Variants in SNX12 observed in about 807,000 individuals in gnomAD.
SNX12 encodes sorting nexin-12.
For missense variants in SNX12, 62 were observed against 141.3 expected, an observed-to-expected ratio of 0.44 and a Z score of 2.84; for synonymous variants, 47 against 56.0, an observed-to-expected ratio of 0.84 and a Z score of 0.71.
At chrX:71,061,774 G>C in intron 3 of SNX12, 69 bp downstream of exon 3, 4 of 975,272 alleles carry the variant, frequency 4.1e-6, no homozygotes, top group Non-Finnish European at 5.7e-6. Flanking sequence ...AAAAGGTGAG[G>C]TAAACAAAAC....
upstream of SNX12, among the ~76,000 whole-genome samples, chrX:71,069,432 G>A (rs1190489615): frequency 8.9e-6 from 1 of 112,378 alleles, no homozygotes; most frequent in Non-Finnish European, 1.9e-5. Flanking sequence ...CCCTCAAGGA[G>A]TTAACATTCT....
Position 71,068,067 on chromosome X carries a change from G to C in SNX12, c.165+75C>G, listed in dbSNP as rs773542993. 939 of 828,982 alleles carry C rather than the reference G, an allele frequency of 1.1e-3. 6 individuals carry two copies. In the African/African-American group the frequency reaches 0.019, roughly 17 times the overall value. 68.3% of individuals were successfully genotyped at this position (828,982 alleles called of 1,213,427 possible). ...GTCTTCCCCGCCGTTAGTTGCCCCC[G>C]CGGTAGCCTCCCTCCCCCCTCCCGC... On this transcript the variant is annotated intron_variant, in intron 1 of 3. Coordinates refer to ENST00000374274, the MANE Select transcript of SNX12 (RefSeq NM_013346.4).
At chrX:71,068,410 A>G, upstream of SNX12, 1 of 692,450 alleles carries the variant, frequency 1.4e-6, no homozygotes, top group Non-Finnish European at 2.0e-6. Flanking sequence ...TAGCCAACCC[A>G]CAGGCGGCGG....
upstream of SNX12, among the ~76,000 whole-genome samples, chrX:71,068,783 G>T (rs1274352857): frequency 8.9e-6 from 1 of 112,233 alleles, no homozygotes; most frequent in East Asian, 2.8e-4. Flanking sequence ...TCTATGGAGG[G>T]TGGGGTTCCA....
intron 1 of SNX12, 49 bp downstream of exon 1, chrX:71,068,093 T>G: frequency 4.5e-5 from 25 of 561,106 alleles, no homozygotes; most frequent in Non-Finnish European, 4.8e-5. Context: ...CCCCTCCCGC[T>G]CGCGCCGCCC....
chrX:71,071,583 A>T (rs868791877), upstream of SNX12, among the ~76,000 whole-genome samples: 2 of 47,136 alleles, frequency 4.2e-5, no homozygotes, highest in Admixed American at 5.3e-4. Context: ...TATATATATA[A>T]ATATATAATA....
Position 71,059,668 on chromosome X carries a change from T to C in SNX12, c.*1348A>G, listed in dbSNP as rs1044032058. The stretch of plus-strand genomic sequence containing the variant: ...CAGTGCCCTGCATAGAAAACTCCAA[T>C]CTTTCCATGATAGGGAGTCTAAGCA... On this transcript the variant is annotated 3_prime_UTR_variant, in exon 4 of 4. Transcript: ENST00000374274. 1.8e-5 allele frequency: 2 copies of C among 110,821 alleles called. No homozygotes were observed. Among genetic ancestry groups the C allele is most frequent in the Non-Finnish European group, 3.8e-5 (2 of 52,956 alleles). The allele number at this position is 110,821 out of a possible 1,213,427, so 9.1% of individuals were successfully genotyped here.
intron 1 of SNX12, among the ~76,000 whole-genome samples, chrX:71,066,356 G>A (rs1344459236): frequency 1.8e-5 from 2 of 111,615 alleles, no homozygotes; most frequent in Admixed American, 9.5e-5. Context: ...TTGGGAGGCC[G>A]AGGCAGGAGG....
chrX:71,063,022 T>G, intron 1 of SNX12, 73 bp from the exon 2 acceptor site: 1 of 640,898 alleles, frequency 1.6e-6, no homozygotes, highest in Non-Finnish European at 2.5e-6. Flanking sequence ...CTGAGTAACT[T>G]GGACAGGTCC....
intron 1 of SNX12, among the ~76,000 whole-genome samples, chrX:71,066,544 T>C: frequency 9.6e-6 from 1 of 104,410 alleles, no homozygotes; most frequent in Admixed American, 1.0e-4. Flanking sequence ...GAGCCGAGAT[T>C]GCACCATTGC....
Position 71,062,947 on chromosome X carries a change from T to C in SNX12, c.168A>G (p.Thr56=), listed in dbSNP as rs779646964. ...CCTTTAGCTTGAAGATAGGTAGGTT[T>C]GTCTACATGGAAGGAAAAATTAAAG... ...RFTTYEVRMR[T]NLPIFKLKES... is the part of the protein sequence containing the mutation. Residue 56 remains threonine (T), a splice_region_variant and synonymous_variant, in exon 2 of 4, where the codon ACA becomes ACG. Transcript: ENST00000374274. The C allele has an allele frequency of 8.5e-6, 10 of 1,176,240 alleles. No individual in the cohort carries two copies. Among genetic ancestry groups the C allele is most frequent in the African/African-American group, 1.8e-5 (1 of 56,968 alleles).
At chrX:71,063,865 A>T (rs1386840880) in intron 1 of SNX12, among the ~76,000 whole-genome samples, 1 of 111,260 alleles carries the variant, frequency 9.0e-6, no homozygotes, top group East Asian at 2.8e-4. Context: ...ATGCTACTGT[A>T]ATCTGGCACA....
At chrX:71,069,545 G>A (rs2092166355), upstream of SNX12, among the ~76,000 whole-genome samples, 1 of 112,415 alleles carries the variant, frequency 8.9e-6, no homozygotes, top group African/African-American at 3.2e-5. Context: ...AAAATTAGGG[G>A]AGGTTCCCCT....
At position 71,060,170 on chromosome X, in the gene SNX12, T is replaced by G. The variant is rs954261059; in HGVS notation, c.*846A>C. On this transcript the variant is annotated 3_prime_UTR_variant, in exon 4 of 4. Coordinates refer to ENST00000374274, the MANE Select transcript of SNX12 (RefSeq NM_013346.4). ...CACTCCCACCCTTCAGGGAGTTACC[T>G]GGCAGTGGTGAGTTGCCCCCACCCC... The G allele has an allele frequency of 1.8e-5, 2 of 112,140 alleles. No homozygotes were observed. Among genetic ancestry groups the G allele is most frequent in the African/African-American group, 6.5e-5 (2 of 30,772 alleles). 9.2% of individuals were successfully genotyped at this position (112,140 alleles called of 1,213,427 possible).
intron 3 of SNX12, 77 bp downstream of exon 3, chrX:71,061,766 A>C (rs1432978223): frequency 2.3e-6 from 2 of 860,812 alleles, no homozygotes; most frequent in Non-Finnish European, 3.3e-6. Context: ...AATAAAATAA[A>C]AGGTGAGGTA....
intron 1 of SNX12, 51 bp downstream of exon 1, chrX:71,068,091 G>A (rs1336024460): frequency 6.6e-6 from 2 of 301,620 alleles, no homozygotes; most frequent in East Asian, 1.3e-4. Flanking sequence ...CCCCCCTCCC[G>A]CTCGCGCCGC....
chrX:71,070,817 G>C (rs2092169677), upstream of SNX12, among the ~76,000 whole-genome samples: 2 of 111,096 alleles, frequency 1.8e-5, no homozygotes, highest in Non-Finnish European at 3.8e-5. Flanking sequence ...TTTAAACTTT[G>C]ACTTGAAGAA....
At chrX:71,062,743 T>A in intron 2 of SNX12, 111 bp downstream of exon 2, 1 of 500,254 alleles carries the variant, frequency 2.0e-6, no homozygotes, top group Non-Finnish European at 3.5e-6. Flanking sequence ...TGGATAAGAA[T>A]GTGTTCACCC....
At chrX:71,062,068 A>G in intron 2 of SNX12, 101 bp from the exon 3 acceptor site, 1 of 794,595 alleles carries the variant, frequency 1.3e-6, no homozygotes, top group Non-Finnish European at 1.7e-6. Context: ...CATAGGGTCC[A>G]TCCTGTCCCA....
Sources: allele counts gnomAD v4.1 joint callset (sites outside exome capture counted in the v4.1 genomes callset), GRCh38; gene constraint gnomAD v4.1.1; transcripts MANE v1.5; gene names NCBI Gene and HGNC (gene_info 2026-07-23, HGNC 2026-07-21).